MED12: variants seen among roughly 807,000 people sequenced by gnomAD.
MED12 encodes the protein mediator of RNA polymerase II transcription subunit 12.
MED12 carries 10 observed loss-of-function variants against 177.7 expected under a neutral mutation model. The observed-to-expected ratio is 0.06, with a 90% CI of 0.03 to 0.10. MED12 has a LOEUF of 0.10. MED12 is among the 10% of genes least tolerant of loss of function. The pLI is 1.00. For synonymous variants in MED12, 641 were observed against 678.4 expected (o/e 0.94, Z 0.86); for missense variants, 867 against 1,780.8 (o/e 0.49, Z 9.23).
rs188143570 is a variant in MED12, at chrX:71,132,991, G to A, written c.4527+35G>A. ...TCTGGGCCATGGAGGTGGGCAGGAGGTCAGGGAAGGATGCACCTAAGGGGT... is the reference window on the plus strand; with the variant it reads ...TCTGGGCCATGGAGGTGGGCAGGAGATCAGGGAAGGATGCACCTAAGGGGT... On this transcript the variant is annotated intron_variant, in intron 32 of 44. Transcript: ENST00000374080. 9.8e-5 allele frequency: 107 copies of A among 1,096,512 alleles called. 1 individual carries two copies. The Admixed American group carries it at 1.1e-3, about 11-fold the overall frequency. 90.4% of individuals were successfully genotyped at this position (1,096,512 alleles called of 1,213,427 possible).
chrX:71,128,021 C>T lies in MED12; in HGVS notation c.3110C>T (p.Thr1037Met), dbSNP rs377078179. The change falls in exon 22 of 45, where the codon ACG becomes ATG. Residue 1037 changes from threonine (T) to methionine (M), a missense_variant. Thr to Met is a moderately conservative substitution (Grantham distance 81). Transcript: ENST00000374080. ...ENPAAHTFTYTGLGKSLSENP... is the reference protein window; with the variant it reads ...ENPAAHTFTYMGLGKSLSENP... ...CCTGCAGCTCACACCTTCACCTACACGGGGCTAGGCAAGAGTCTTAGTGAG... is the reference window on the plus strand; with the variant it reads ...CCTGCAGCTCACACCTTCACCTACATGGGGCTAGGCAAGAGTCTTAGTGAG... 7 of 1,209,100 alleles carry T rather than the reference C, an allele frequency of 5.8e-6. No homozygotes were observed. Among genetic ancestry groups the T allele is most frequent in the Middle Eastern group, 2.3e-4 (1 of 4,374 alleles).
intron 29 of MED12, 123 bp from the exon 30 acceptor site, chrX:71,131,950 C>T (rs1283502987): frequency 4.7e-6 from 3 of 644,543 alleles, no homozygotes; most frequent in Non-Finnish European, 5.1e-6. Flanking sequence ...AGTTGCGTTC[C>T]TATCTCCCCA....
intron 17 of MED12, 39 bp downstream of exon 17, chrX:71,125,752 T>G: frequency 9.6e-7 from 1 of 1,040,844 alleles, no homozygotes; most frequent in Non-Finnish European, 1.3e-6. Flanking sequence ...TCCCTCCCTC[T>G]CCCTTCCCTC....
rs988085290 is a variant in MED12 at position 71,137,405 on chromosome X, G to A, written c.5748+22G>A. The stretch of plus-strand genomic sequence containing the variant: ...CCAGGCAAAGATAGTGAGAGGGGCA[G>A]TAGGGAGGGCTGTCAGGGAGAGGGG... On this transcript the variant is annotated intron_variant, in intron 39 of 44. Coordinates refer to ENST00000374080, the MANE Select transcript of MED12 (RefSeq NM_005120.3). 17 of 1,205,072 alleles carry A rather than the reference G, an allele frequency of 1.4e-5. No homozygotes were observed. In the Admixed American group the frequency reaches 1.5e-4, roughly 11 times the overall value.
Position 71,142,170 on chromosome X carries a change from C to T in MED12, c.6491-5C>T. On this transcript the variant is annotated splice_region_variant and splice_polypyrimidine_tract_variant and intron_variant, in intron 44 of 44. Transcript: ENST00000374080. ...CCATCCCTGATAATCTCTGGTTTTT[C>T]ACAGATACCCAGCCACAGCCCAGTA... The T allele has an allele frequency of 8.3e-7, 1 of 1,210,182 alleles. No homozygotes were observed. The highest frequency in any genetic ancestry group is 1.8e-5 in the South Asian group (1 of 56,931).
intron 1 of MED12, among the ~76,000 whole-genome samples, chrX:71,119,149 A>T (rs1403168333): frequency 1.8e-5 from 2 of 109,873 alleles, no homozygotes; most frequent in African/African-American, 6.6e-5. Context: ...GCAAGAGAAG[A>T]GTGATGTTTG....
intron 44 of MED12, 47 bp downstream of exon 44, chrX:71,142,011 G>A (rs755668733): frequency 5.1e-6 from 6 of 1,185,257 alleles, no homozygotes; most frequent in Middle Eastern, 2.3e-4. Context: ...AATAAATTTA[G>A]GGGGCGGGGT....
chrX:71,119,126 T>A (rs1232268383), intron 1 of MED12, among the ~76,000 whole-genome samples: 1 of 110,309 alleles, frequency 9.1e-6, no homozygotes, highest in Non-Finnish European at 1.9e-5. Flanking sequence ...GGGGTACGGC[T>A]GCTCGGCTGT....
intron 38 of MED12, 47 bp downstream of exon 38, chrX:71,137,076 C>T (rs1025924635): frequency 8.5e-7 from 1 of 1,182,227 alleles, no homozygotes; most frequent in African/African-American, 1.8e-5. Flanking sequence ...CCTGTACACT[C>T]CCCCTGCCCA....
chrX:71,119,901 C>G (rs2092285139), intron 3 of MED12, 24 bp downstream of exon 3: 6 of 1,209,662 alleles, frequency 5.0e-6, no homozygotes, highest in Non-Finnish European at 6.7e-6. Context: ...TCCTGTCCTT[C>G]AGGCCAAGGA....
chrX:71,134,295 C>A, intron 33 of MED12, 62 bp from the exon 34 acceptor site: 2 of 630,051 alleles, frequency 3.2e-6, no homozygotes, highest in Non-Finnish European at 5.2e-6. Context: ...TGGAACTAAG[C>A]TTTCCTGAAA....
rs1246964847 is a variant in MED12 at position 71,141,385 on chromosome X, A to G, written c.6408+15A>G. The G allele has an allele frequency of 8.6e-7, 1 of 1,167,264 alleles. No individual in the cohort carries two copies. Among genetic ancestry groups the G allele is most frequent in the South Asian group, 1.9e-5 (1 of 52,719 alleles). ...CCCAGCCCCAGGTAGCTGCTGGACT[A>G]CAGCCCCAGGCTCAGGGACAGCTGC... On this transcript the variant is annotated intron_variant, in intron 43 of 44. Coordinates refer to ENST00000374080, the MANE Select transcript of MED12 (RefSeq NM_005120.3).
At position 71,124,112 on chromosome X, in the gene MED12, C is replaced by T. The variant is rs374526599; in HGVS notation, c.1745-47C>T. On this transcript the variant is annotated intron_variant, in intron 12 of 44. Transcript: ENST00000374080. ...GTGTGTCCCTCTCTCTTTTGGCCCACCTTTTTGTGTTCTCCTAACTTATGT... is the reference window on the plus strand; with the variant it reads ...GTGTGTCCCTCTCTCTTTTGGCCCATCTTTTTGTGTTCTCCTAACTTATGT... 3.7e-6 allele frequency: 4 copies of T among 1,087,704 alleles called. No homozygotes were observed. The African/African-American group carries it at 5.5e-5, about 15-fold the overall frequency. 89.6% of individuals were successfully genotyped at this position (1,087,704 alleles called of 1,213,427 possible). A position where few individuals can be genotyped will look rare whatever the true frequency, so the allele number is the denominator to read the frequency against.
chrX:71,127,667 G>A (rs1602298918), intron 21 of MED12, 200 bp downstream of exon 21: 1 of 478,622 alleles, frequency 2.1e-6, no homozygotes, highest in East Asian at 3.7e-5. Flanking sequence ...ATATCTGTGG[G>A]GCCCACCCTC....
chrX:71,127,866 A>C (rs1447794456), intron 21 of MED12, 27 bp from the exon 22 acceptor site: 3 of 1,136,965 alleles, frequency 2.6e-6, no homozygotes, highest in African/African-American at 1.8e-5. Context: ...CTTCAACACT[A>C]CTATCTCCTT....
chrX:71,139,045 CAA>C (rs962917172), intron 41 of MED12, among the ~76,000 whole-genome samples: 1 of 110,599 alleles, frequency 9.0e-6, no homozygotes, highest in Non-Finnish European at 1.9e-5. Context: ...AGAAAGATAG[CAA>C]AAAAAACCCC....
At chrX:71,131,438 C>T in intron 28 of MED12, 112 bp from the exon 29 acceptor site, 1 of 712,818 alleles carries the variant, frequency 1.4e-6, no homozygotes, top group Non-Finnish European at 2.2e-6. Flanking sequence ...CCTTTCAGAC[C>T]TCCAGGAGTC....
chrX:71,141,073 C>G (rs1215604483), intron 42 of MED12, among the ~76,000 whole-genome samples, 157 bp from the exon 43 acceptor site: 2 of 110,154 alleles, frequency 1.8e-5, no homozygotes, highest in East Asian at 5.6e-4. Context: ...TGCTGGGTAC[C>G]CTAGATTTGG....
intron 41 of MED12, among the ~76,000 whole-genome samples, chrX:71,138,754 CAAAAA>C (rs1230071600): frequency 1.1e-5 from 1 of 90,265 alleles, no homozygotes; most frequent in South Asian, 4.9e-4. Flanking sequence ...GACCCTGTCT[CAAAAA>C]AAAAAGAAGA....
Sources: allele counts gnomAD v4.1 joint callset (sites outside exome capture counted in the v4.1 genomes callset), GRCh38; gene constraint gnomAD v4.1.1; transcripts MANE v1.5; gene names NCBI Gene and HGNC (gene_info 2026-07-23, HGNC 2026-07-21).